The following AK9 variants were observed in gnomAD, a reference collection of about 807,000 sequenced individuals.
AK9 encodes adenylate kinase 9.
AK9 carries 191 observed loss-of-function variants against 239.6 expected under a neutral mutation model. The ratio of observed to expected loss-of-function variants is 0.80; its 90% CI spans 0.71 to 0.90. The LOEUF (loss-of-function observed/expected upper bound fraction) is 0.90. Among genes scored for constraint, AK9 ranks in the 40% least tolerant of loss-of-function variants. The probability of loss-of-function intolerance (pLI) is 0.00; values close to 1 mark genes in which losing one functional copy is unlikely to be tolerated. For missense variants in AK9, 1,995 were observed against 2,214.7 expected, an observed-to-expected ratio of 0.90 and a Z score of 1.99; for synonymous variants, 689 against 721.0, an observed-to-expected ratio of 0.96 and a Z score of 0.71.
chr6:109,615,071 A>C (rs995458979), intron 13 of AK9, among the ~76,000 whole-genome samples: 4 of 152,180 alleles, frequency 2.6e-5, no homozygotes, highest in Non-Finnish European at 4.4e-5. Context: ...TTTAATGTGA[A>C]AGAAACATTA....
intron 29 of AK9, among the ~76,000 whole-genome samples, chr6:109,519,573 T>C (rs1779622235): frequency 2.0e-5 from 3 of 152,116 alleles, no homozygotes; most frequent in African/African-American, 7.2e-5. Flanking sequence ...GGCTGGCAGA[T>C]TGCTTGAGAC....
Position 109,691,195 on chromosome 6 carries a change from G to A in AK9, c.-60C>T. ...TCTCTCGGCAGCACGCAGGTCCCGG[G>A]AGCCTCTACCCGACCTCTCTATGAT... On this transcript the variant is annotated 5_prime_UTR_variant, in exon 1 of 41. Transcript: ENST00000424296. 1 of 584,562 alleles carries A rather than the reference G, an allele frequency of 1.7e-6. No homozygotes were observed. 36.2% of individuals were successfully genotyped at this position (584,562 alleles called of 1,614,324 possible). A position where few individuals can be genotyped will look rare whatever the true frequency, so the allele number is the denominator to read the frequency against.
At chr6:109,601,961 A>C (rs1421081147) in intron 17 of AK9, among the ~76,000 whole-genome samples, 1 of 152,078 alleles carries the variant, frequency 6.6e-6, no homozygotes, top group African/African-American at 2.4e-5. Context: ...TTTTAAGCTT[A>C]TGTGTGTGTC....
chr6:109,497,752 G>C, intron 37 of AK9, 44 bp downstream of exon 37: 1 of 1,581,122 alleles, frequency 6.3e-7, no homozygotes, highest in South Asian at 1.1e-5. Flanking sequence ...CACTTCTTTG[G>C]CGTAGCAATA....
chr6:109,547,934 A>C (rs1039414633), intron 25 of AK9, among the ~76,000 whole-genome samples: 2 of 152,020 alleles, frequency 1.3e-5, no homozygotes, highest in South Asian at 4.1e-4. Context: ...AACACATACA[A>C]ATGGACAACA....
At chr6:109,533,850 T>C (rs1436798851) in intron 27 of AK9, among the ~76,000 whole-genome samples, 1 of 152,112 alleles carries the variant, frequency 6.6e-6, no homozygotes, top group Non-Finnish European at 1.5e-5. Flanking sequence ...TAACTGAAAG[T>C]TTACTAAAAG....
intron 17 of AK9, among the ~76,000 whole-genome samples, chr6:109,595,240 C>T (rs552470659): frequency 6.6e-6 from 1 of 152,222 alleles, no homozygotes; most frequent in East Asian, 1.9e-4. Context: ...ATGCGGCCAA[C>T]AAACATACGA....
At position 109,533,375 on chromosome 6, in the gene AK9, A is replaced by G. The variant is rs368903575; in HGVS notation, c.3446T>C (p.Ile1149Thr). 71 of 1,611,308 alleles carry G rather than the reference A, an allele frequency of 4.4e-5. No homozygotes were observed. The highest frequency in any genetic ancestry group is 5.9e-5 in the Non-Finnish European group (70 of 1,178,802). ...AAAAATATCTTGATCATCAACTTGT[A>G]TAAAAACAGCTGCATCTGGGAAAAA... ...RGFFPDAAVF[I>T]QVDDQDIFDR... The change falls in exon 28 of 41, where the codon ATA (isoleucine) becomes ACA (threonine). Residue 1149 changes from isoleucine to threonine, a missense_variant. Physicochemically the swap from Ile to Thr is moderately conservative, Grantham distance 89 (BLOSUM62 -1). This residue lies in a region of AK9 where 1,290 missense variants were observed against 1,392.7 expected (regional missense o/e 0.93). Coordinates refer to ENST00000424296, the MANE Select transcript of AK9 (RefSeq NM_001145128.3).
At chr6:109,665,306 A>T (rs1444361849) in intron 5 of AK9, among the ~76,000 whole-genome samples, 2 of 152,156 alleles carry the variant, frequency 1.3e-5, no homozygotes, top group East Asian at 3.9e-4. Flanking sequence ...AACTTGACTT[A>T]CTTACATGCT....
At chr6:109,556,911 C>G (rs1412188303) in intron 24 of AK9, among the ~76,000 whole-genome samples, 1 of 151,796 alleles carries the variant, frequency 6.6e-6, no homozygotes, top group Non-Finnish European at 1.5e-5. Context: ...TTGCTCTAAC[C>G]TTTTATCAAG....
intron 8 of AK9, among the ~76,000 whole-genome samples, chr6:109,651,013 T>C (rs1250827207): frequency 2.6e-5 from 4 of 151,786 alleles, no homozygotes; most frequent in Non-Finnish European, 5.9e-5. Context: ...TTCTCACTCA[T>C]AGGTGGGAAT....
At chr6:109,580,598 G>A (rs751481189) in intron 19 of AK9, among the ~76,000 whole-genome samples, 8 of 152,128 alleles carry the variant, frequency 5.3e-5, no homozygotes, top group South Asian at 2.1e-4. Flanking sequence ...CATACTCCGC[G>A]TTCTTTGCAT....
intron 29 of AK9, among the ~76,000 whole-genome samples, chr6:109,523,318 G>T (rs1780075083): frequency 6.6e-6 from 1 of 151,750 alleles, no homozygotes; most frequent in Admixed American, 6.6e-5. Context: ...TAATCTTGTA[G>T]AACAGTGTTG....
At chr6:109,525,810 T>C (rs1383862136) in intron 29 of AK9, among the ~76,000 whole-genome samples, 3 of 152,188 alleles carry the variant, frequency 2.0e-5, no homozygotes, top group Non-Finnish European at 2.9e-5. Flanking sequence ...CCCAAAGGAA[T>C]AGAAATCGTT....
At chr6:109,543,460 T>C (rs2128151551) in intron 26 of AK9, among the ~76,000 whole-genome samples, 1 of 152,260 alleles carries the variant, frequency 6.6e-6, no homozygotes, top group East Asian at 1.9e-4. Flanking sequence ...ACTTTTTTCT[T>C]TTTTTGAGAT....
chr6:109,545,241 A>G (rs1582934964), intron 26 of AK9, among the ~76,000 whole-genome samples: 1 of 152,038 alleles, frequency 6.6e-6, no homozygotes, highest in Non-Finnish European at 1.5e-5. Context: ...GGAATTTGAG[A>G]CCAGCCTGGG....
chr6:109,660,870 T>G (rs1469867031), intron 6 of AK9: 1 of 434,406 alleles, frequency 2.3e-6, no homozygotes, highest in African/African-American at 2.0e-5. Context: ...TGGGTGCTGT[T>G]GGAACTGGGA....
intron 17 of AK9, among the ~76,000 whole-genome samples, chr6:109,595,192 A>T (rs1196197534): frequency 6.6e-6 from 1 of 152,244 alleles, no homozygotes; most frequent in African/African-American, 2.4e-5. Context: ...AAAAGTGGGC[A>T]AAGGATATGA....
rs569649916 is a variant in AK9 at position 109,552,790 on chromosome 6, C to T, written c.2752-2488G>A. Reference sequence around the variant, plus strand: ...TGAAGTCTTTGCCCATGCCTATGTCCTGAATGGTATTGCCTAGGTTTTCTT... The same window carrying T: ...TGAAGTCTTTGCCCATGCCTATGTCTTGAATGGTATTGCCTAGGTTTTCTT... On this transcript the variant is annotated intron_variant, in intron 24 of 40. Transcript: ENST00000424296. 5.9e-5 allele frequency among the ~76,000 whole-genome samples: 9 copies of T among 152,258 alleles called. No homozygotes were observed. In the East Asian group the frequency reaches 1.7e-3, roughly 29 times the overall value.
Sources: gnomAD v4.1 joint callset for allele counts (sites outside exome capture counted in the v4.1 genomes callset) on GRCh38, gnomAD v4.1.1 for gene constraint, gnomAD v4.1.1 regional missense constraint, MANE v1.5 for transcripts, NCBI Gene and HGNC (gene_info 2026-07-23, HGNC 2026-07-21) for gene names.